Variants in ZFYVE26 observed in about 807,000 individuals in gnomAD.
ZFYVE26 encodes zinc finger FYVE domain-containing protein 26.
ZFYVE26 carries 181 observed loss-of-function variants against 276.5 expected under a neutral mutation model. The ratio of observed to expected loss-of-function variants is 0.65; its 90% CI spans 0.58 to 0.74. The LOEUF is 0.74. Among genes scored for constraint, ZFYVE26 ranks in the 30% least tolerant of loss-of-function variants. The pLI is 0.00. For synonymous variants in ZFYVE26, 1,129 were observed against 1,203.1 expected, an observed-to-expected ratio of 0.94 and a Z score of 1.27; for missense variants, 2,821 against 3,097.9, an observed-to-expected ratio of 0.91 and a Z score of 2.12.
intron 35 of ZFYVE26, chr14:67,761,107 C>T: frequency 3.1e-6 from 2 of 643,070 alleles, no homozygotes; most frequent in South Asian, 3.6e-5. Context: ...CTATCCGATT[C>T]TGCTGCATGT....
intron 9 of ZFYVE26, among the ~76,000 whole-genome samples, chr14:67,802,619 C>T (rs571778597): frequency 2.7e-4 from 41 of 152,334 alleles, no homozygotes; most frequent in African/African-American, 9.4e-4. Flanking sequence ...ACCCTAGTTG[C>T]AGCCTTATTA....
chr14:67,767,585 C>T, intron 31 of ZFYVE26, 119 bp downstream of exon 31: 1 of 1,344,006 alleles, frequency 7.4e-7, no homozygotes, highest in Non-Finnish European at 1.1e-6. Flanking sequence ...GTTTAGCTCC[C>T]ATATTATTGC....
chr14:67,745,251 T>C (rs2038467736), downstream of ZFYVE26, among the ~76,000 whole-genome samples: 1 of 152,224 alleles, frequency 6.6e-6, no homozygotes, highest in Non-Finnish European at 1.5e-5. Flanking sequence ...CACTTTTTGA[T>C]GGGATTGGTT....
chr14:67,799,151 T>G, intron 10 of ZFYVE26: 1 of 1,539,994 alleles, frequency 6.5e-7, no homozygotes, highest in South Asian at 1.1e-5. Context: ...TAAAAAGATA[T>G]CTTTAGAGGA....
Position 67,753,873 on chromosome 14 carries a change from G to A in ZFYVE26, c.7129-107C>T, listed in dbSNP as rs2038710336. 2.7e-6 allele frequency: 4 copies of A among 1,507,314 alleles called. No individual in the cohort carries two copies. The South Asian group carries it at 3.4e-5, about 13-fold the overall frequency. The allele number at this position is 1,507,314 out of a possible 1,614,324, so 93.4% of individuals were successfully genotyped here. ...TTCAATTATTCAACAAATATTTGTTGAGACCCTGCTAAGTGCCAGGCACTA... is the reference window on the plus strand; with the variant it reads ...TTCAATTATTCAACAAATATTTGTTAAGACCCTGCTAAGTGCCAGGCACTA... On this transcript the variant is annotated intron_variant, in intron 38 of 41. Transcript: ENST00000347230.
rs7144698 is a variant in ZFYVE26, at chr14:67,783,673, T to C, written c.3627-148A>G. The C allele has an allele frequency of 0.019, 19,607 of 1,022,308 alleles. 1,601 individuals carry two copies. In the African/African-American group the frequency reaches 0.21, roughly 11 times the overall value. 63.3% of individuals were successfully genotyped at this position (1,022,308 alleles called of 1,614,324 possible). A position where few individuals can be genotyped will look rare whatever the true frequency, so the allele number is the denominator to read the frequency against. On this transcript the variant is annotated intron_variant, in intron 20 of 41. Coordinates refer to ENST00000347230, the MANE Select transcript of ZFYVE26 (RefSeq NM_015346.4). ...TTTTTAAAACACAAAAAGTAGCCTATTAGACATATCGCTCTGCCCTTTATG... is the reference window on the plus strand; with the variant it reads ...TTTTTAAAACACAAAAAGTAGCCTACTAGACATATCGCTCTGCCCTTTATG...
chr14:67,784,237 T>C, intron 20 of ZFYVE26, 97 bp downstream of exon 20: 2 of 1,017,692 alleles, frequency 2.0e-6, no homozygotes, highest in East Asian at 4.7e-5. Context: ...ATCCCCACTC[T>C]CTGTGCTAAC....
rs117850627 is a variant in ZFYVE26 at position 67,803,283 on chromosome 14, G to A, written c.1435+818C>T. Among the ~76,000 whole-genome samples, 914 of 152,256 alleles carry A rather than the reference G, an allele frequency of 6.0e-3. 4 individuals are homozygous for A. The highest frequency in any genetic ancestry group is 9.0e-3 in the Non-Finnish European group (611 of 68,026). On this transcript the variant is annotated intron_variant, in intron 9 of 41. Coordinates refer to ENST00000347230, the MANE Select transcript of ZFYVE26 (RefSeq NM_015346.4). ...CTTAAAGAAAAAGAGCTTTTTAATGGGGTCTTGAATTTAAGCAAAGATCTT... is the reference window on the plus strand; with the variant it reads ...CTTAAAGAAAAAGAGCTTTTTAATGAGGTCTTGAATTTAAGCAAAGATCTT...
In ZFYVE26 at chr14:67,789,739, T is replaced by C; in HGVS notation, c.2756-141A>G. 4 of 1,099,898 alleles carry C rather than the reference T, an allele frequency of 3.6e-6. No homozygotes were observed. The South Asian group carries it at 4.1e-5, about 11-fold the overall frequency. The allele number at this position is 1,099,898 out of a possible 1,614,324, so 68.1% of individuals were successfully genotyped here. Reference sequence around the variant, plus strand: ...TTCATGTATATTAGCACTATCATTATGGCCCACTCTTATAGCTTCAAAACA... The same window carrying C: ...TTCATGTATATTAGCACTATCATTACGGCCCACTCTTATAGCTTCAAAACA... On this transcript the variant is annotated intron_variant, in intron 15 of 41. Transcript: ENST00000347230.
At chr14:67,738,669 T>C (rs963228287) in intron 13 of ZFYVE26, among the ~76,000 whole-genome samples, 2 of 152,088 alleles carry the variant, frequency 1.3e-5, no homozygotes, top group African/African-American at 2.4e-5. Flanking sequence ...AACAATATAA[T>C]GAATGTGTAA....
At position 67,780,329 on chromosome 14, in the gene ZFYVE26, G is replaced by A; in HGVS notation, c.4586C>T (p.Ser1529Phe). ...CTGCCAGTCACACCACACTGGGGGA[G>A]ACTGCAAACCCAGAATCTAAGGAAA... Reference protein sequence around the residue: ...QVYQKILGLQSPPVWCDWQTL... With the variant: ...QVYQKILGLQFPPVWCDWQTL... Residue 1529 changes from serine to phenylalanine, a missense_variant, in exon 23 of 42, where the codon TCT becomes TTT. Ser to Phe is a radical substitution (Grantham distance 155). Coordinates refer to ENST00000347230, the MANE Select transcript of ZFYVE26 (RefSeq NM_015346.4). 6.2e-7 allele frequency: 1 copy of A among 1,613,710 alleles called. No individual in the cohort carries two copies. The highest frequency in any genetic ancestry group is 8.5e-7 in the Non-Finnish European group (1 of 1,179,904).
chr14:67,733,868 T>A (rs1396872078), intron 13 of ZFYVE26: 4 of 1,559,176 alleles, frequency 2.6e-6, no homozygotes, highest in Non-Finnish European at 2.7e-6. Flanking sequence ...GAGCTGCAGC[T>A]TTATCAGGCC....
rs61986979 is a variant in ZFYVE26, at chr14:67,739,902, G to A, written n.2680-10083C>T. On this transcript the variant is annotated intron_variant and non_coding_transcript_variant, in intron 13 of 14. Coordinates refer to the ZFYVE26 transcript ENST00000394455. ...CTCTGATAGGAGGAGATTAATTATT[G>A]TAACAAACAATGTTAACTTTAGTGG... 3.7e-3 allele frequency among the ~76,000 whole-genome samples: 562 copies of A among 152,254 alleles called. 1 individual carries two copies. Among genetic ancestry groups the A allele is most frequent in the Non-Finnish European group, 6.4e-3 (433 of 68,014 alleles).
intron 20 of ZFYVE26, 71 bp from the exon 21 acceptor site, chr14:67,783,596 T>C (rs1367084142): frequency 6.3e-7 from 1 of 1,583,166 alleles, no homozygotes; most frequent in African/African-American, 1.3e-5. Flanking sequence ...TTACAATTTC[T>C]TTATGCTTAC....
intron 5 of ZFYVE26, among the ~76,000 whole-genome samples, 186 bp downstream of exon 5, chr14:67,807,212 T>C (rs1459425057): frequency 6.6e-6 from 1 of 152,160 alleles, no homozygotes; most frequent in African/African-American, 2.4e-5. Flanking sequence ...CCCAAAGTAC[T>C]AGGATTACAG....
intron 31 of ZFYVE26, among the ~76,000 whole-genome samples, chr14:67,767,247 A>G (rs1566871771): frequency 6.6e-6 from 1 of 152,170 alleles, no homozygotes; most frequent in Non-Finnish European, 1.5e-5. Flanking sequence ...GTAAGGCCCT[A>G]TATATAAATA....
chr14:67,752,207 A>G, intron 40 of ZFYVE26, 137 bp downstream of exon 40: 2 of 1,159,806 alleles, frequency 1.7e-6, no homozygotes, highest in Non-Finnish European at 2.5e-6. Flanking sequence ...TGGTGAGGCC[A>G]TTATTGCAGA....
intron 37 of ZFYVE26, 89 bp from the exon 38 acceptor site, chr14:67,754,301 T>C: frequency 6.4e-7 from 1 of 1,550,410 alleles, no homozygotes; most frequent in Non-Finnish European, 8.9e-7. Context: ...AATATGGCAA[T>C]GAAAAAGGGA....
chr14:67,750,848 AC>A, intron 41 of ZFYVE26: 1 of 667,200 alleles, frequency 1.5e-6, no homozygotes, highest in Non-Finnish European at 2.7e-6. Context: ...GAAGGCAAAG[AC>A]GCATGCAGTC....
Sources: allele counts gnomAD v4.1 joint callset (sites outside exome capture counted in the v4.1 genomes callset), GRCh38; gene constraint gnomAD v4.1.1; transcripts MANE v1.5; gene names NCBI Gene and HGNC (gene_info 2026-07-23, HGNC 2026-07-21).